Variants in MAVS observed in about 807,000 individuals in gnomAD.
The protein encoded by MAVS is mitochondrial antiviral signaling protein, also known as mitochondrial antiviral-signaling protein.
In MAVS, 20 loss-of-function variants were observed where a neutral mutation model predicts 30.2. The ratio of observed to expected loss-of-function variants is 0.66; its 90% CI spans 0.47 to 0.96. The LOEUF is 0.96. MAVS is among the 40% of genes least tolerant of loss of function. The probability of loss-of-function intolerance (pLI) is 0.00; values close to 1 mark genes in which losing one functional copy is unlikely to be tolerated. For missense variants in MAVS, 624 were observed against 701.1 expected (o/e 0.89, Z 1.24); for synonymous variants, 278 against 293.9 (o/e 0.95, Z 0.55).
chr20:3,855,597 C>T (rs1600446089), intron 2 of MAVS, among the ~76,000 whole-genome samples: 1 of 152,170 alleles, frequency 6.6e-6, no homozygotes, highest in African/African-American at 2.4e-5. Context: ...TACCTGTTGG[C>T]TCTTTTGGGG....
Position 3,855,895 on chromosome 20 carries a change from C to T in MAVS, c.117+1154C>T, listed in dbSNP as rs528504376. Reference sequence around the variant, plus strand: ...CTGGGTTCAAGTGATTCTCGCGCCTCAGCCTCCTGAGTAGCTGGGGTTACA... The same window carrying T: ...CTGGGTTCAAGTGATTCTCGCGCCTTAGCCTCCTGAGTAGCTGGGGTTACA... On this transcript the variant is annotated intron_variant, in intron 2 of 6. Coordinates refer to ENST00000428216, the MANE Select transcript of MAVS (RefSeq NM_020746.5). 5.7e-4 allele frequency among the ~76,000 whole-genome samples: 87 copies of T among 152,224 alleles called. 1 individual carries two copies. Among genetic ancestry groups the T allele is most frequent in the Non-Finnish European group, 1.1e-3 (76 of 68,030 alleles).
rs916225730 is a variant in MAVS, at chr20:3,868,253, A to G, written c.*2106A>G. ...TACCCTAAACCCCAGTTAGGTACCC[A>G]TGCTGGGCAGGTCAGTTAACAATTT... is the stretch of plus-strand genomic sequence containing the variant. On this transcript the variant is annotated 3_prime_UTR_variant, in exon 7 of 7. Coordinates refer to ENST00000428216, the MANE Select transcript of MAVS (RefSeq NM_020746.5). 3 of 152,294 alleles carry G rather than the reference A, an allele frequency of 2.0e-5. No individual in the cohort carries two copies. Among genetic ancestry groups the G allele is most frequent in the African/African-American group, 7.2e-5 (3 of 41,424 alleles). The allele number at this position is 152,294 out of a possible 1,614,324, so 9.4% of individuals were successfully genotyped here. A position where few individuals can be genotyped will look rare whatever the true frequency, so the allele number is the denominator to read the frequency against.
Position 3,871,206 on chromosome 20 carries a change from G to A in MAVS, c.*5059G>A, listed in dbSNP as rs761449809. 2 of 153,908 alleles carry A rather than the reference G, an allele frequency of 1.3e-5. No homozygotes were observed. Among genetic ancestry groups the A allele is most frequent in the Non-Finnish European group, 2.9e-5 (2 of 68,078 alleles). The allele number at this position is 153,908 out of a possible 1,614,324, so 9.5% of individuals were successfully genotyped here. On this transcript the variant is annotated 3_prime_UTR_variant, in exon 7 of 7. Coordinates refer to ENST00000428216, the MANE Select transcript of MAVS (RefSeq NM_020746.5). Reference sequence around the variant, plus strand: ...ACTGTACAGGTTATTTATAGAAGTTGGAGAGTGAAGGGTTGAGAAAGCCAA... The same window carrying A: ...ACTGTACAGGTTATTTATAGAAGTTAGAGAGTGAAGGGTTGAGAAAGCCAA...
At position 3,861,368 on chromosome 20, in the gene MAVS, C is replaced by T. The variant is rs554505664; in HGVS notation, c.329C>T (p.Pro110Leu). The change falls in exon 4 of 7, where the codon CCG becomes CTG. Residue 110 changes from proline to leucine, a missense_variant. Pro to Leu is a moderately conservative substitution (Grantham distance 98). Transcript: ENST00000428216. ...SDRPPDPLEP[P>L]SLPAERPGPP... ...CGTCCCCCAGACCCACTGGAGCCAC[C>T]GTCACTTCCTGCTGAGAGGCCAGGG... The T allele has an allele frequency of 1.5e-4, 249 of 1,613,930 alleles. 1 individual carries two copies. The South Asian group carries it at 2.5e-3, about 16-fold the overall frequency.
intron 1 of MAVS, among the ~76,000 whole-genome samples, chr20:3,850,875 A>G (rs6107354): frequency 0.068 from 9,852 of 144,686 alleles, 526 homozygotes; most frequent in African/African-American, 0.14. Flanking sequence ...GACAGAGCGA[A>G]ACTCCGTCTC....
intron 4 of MAVS, 42 bp downstream of exon 4, chr20:3,861,546 C>A (rs1382376471): frequency 6.3e-7 from 1 of 1,590,666 alleles, no homozygotes. Flanking sequence ...CTTTTGTGTT[C>A]CTATCTGCCC....
At chr20:3,848,351 G>C (rs575497241) in intron 1 of MAVS, among the ~76,000 whole-genome samples, 1 of 152,032 alleles carries the variant, frequency 6.6e-6, no homozygotes, top group Non-Finnish European at 1.5e-5. Context: ...TGCCTGCCTC[G>C]GCCTCCCAAA....
chr20:3,862,558 G>T, intron 5 of MAVS, 145 bp downstream of exon 5: 1 of 837,194 alleles, frequency 1.2e-6, no homozygotes, highest in Non-Finnish European at 1.8e-6. Flanking sequence ...GTTCCTTAGT[G>T]GGTGTATCAG....
intron 3 of MAVS, among the ~76,000 whole-genome samples, chr20:3,858,568 G>A (rs1285739188): frequency 4.0e-5 from 6 of 151,322 alleles, no homozygotes; most frequent in African/African-American, 1.5e-4. Context: ...AGGAGGCCGA[G>A]GCAGGAGAAT....
intron 1 of MAVS, among the ~76,000 whole-genome samples, chr20:3,849,574 G>C (rs1360102602): frequency 6.6e-6 from 1 of 152,092 alleles, no homozygotes; most frequent in East Asian, 1.9e-4. Flanking sequence ...GCTCATTCTT[G>C]TTTTAGGACT....
At position 3,870,634 on chromosome 20, in the gene MAVS, T is replaced by TACAAAAA. The variant is rs2089947019; in HGVS notation, c.*4488_*4489insCAAAAAA. 1 of 29,484 alleles carries TACAAAAA rather than the reference T, an allele frequency of 3.4e-5. No individual in the cohort carries two copies. Among genetic ancestry groups the TACAAAAA allele is most frequent in the Non-Finnish European group, 6.9e-5 (1 of 14,492 alleles). 1.8% of individuals were successfully genotyped at this position (29,484 alleles called of 1,614,324 possible). A position where few individuals can be genotyped will look rare whatever the true frequency, so the allele number is the denominator to read the frequency against. Reference sequence around the variant, plus strand: ...GGGCAACAAAGCAAGACCCTATCTCTAAAAAAAAAAAAAAAAAAAAAAAAA... The same window carrying TACAAAAA: ...GGGCAACAAAGCAAGACCCTATCTCTACAAAAAAAAAAAAAAAAAAAAAAAAAAAAAA... On this transcript the variant is annotated 3_prime_UTR_variant, in exon 7 of 7. Transcript: ENST00000428216.
chr20:3,854,860 C>G, intron 2 of MAVS, 119 bp downstream of exon 2: 1 of 599,950 alleles, frequency 1.7e-6, no homozygotes, highest in Non-Finnish European at 2.9e-6. Flanking sequence ...CTTCCTCTTG[C>G]TGTGTCTTGC....
At chr20:3,855,416 C>T (rs1002027003) in intron 2 of MAVS, among the ~76,000 whole-genome samples, 1 of 152,144 alleles carries the variant, frequency 6.6e-6, no homozygotes, top group Admixed American at 6.6e-5. Flanking sequence ...GTCATGGGGC[C>T]CTGTCCTGGC....
At position 3,864,540 on chromosome 20, in the gene MAVS, C is replaced by A. The variant is rs1051933394; in HGVS notation, c.910C>A (p.Pro304Thr). The change falls in exon 6 of 7, where the codon CCT becomes ACT. Residue 304 changes from proline (P) to threonine (T), a missense_variant. Pro to Thr is a conservative substitution (Grantham distance 38). Transcript: ENST00000428216. Reference sequence around the variant, plus strand: ...CTCCAAAGTGCCTACCACCTTGATGCCTGTGAACACAGTGGCCCTGAAAGT... The same window carrying A: ...CTCCAAAGTGCCTACCACCTTGATGACTGTGAACACAGTGGCCCTGAAAGT... ...LPSKVPTTLM[P>T]VNTVALKVPA... The A allele has an allele frequency of 6.2e-7, 1 of 1,614,120 alleles. No homozygotes were observed. The highest frequency in any genetic ancestry group is 8.5e-7 in the Non-Finnish European group (1 of 1,180,036).
At chr20:3,862,658 A>T (rs1389055752) in intron 5 of MAVS, among the ~76,000 whole-genome samples, 1 of 152,092 alleles carries the variant, frequency 6.6e-6, no homozygotes, top group Non-Finnish European at 1.5e-5. Context: ...TTAGCATATG[A>T]TCCTGTGGGT....
chr20:3,851,808 A>T (rs1226029572), intron 1 of MAVS, among the ~76,000 whole-genome samples: 1 of 151,728 alleles, frequency 6.6e-6, no homozygotes, highest in Non-Finnish European at 1.5e-5. Context: ...ATACAAAATT[A>T]ACCAGGTGTG....
In MAVS at chr20:3,865,094, C is replaced by T. The variant is rs1463184964; in HGVS notation, c.1158+306C>T. ...GCTCGTAGTTCCTAGTGAAGCCGAG[C>T]GGTGCCGTTTTGCACATAAGGAAGC... is the stretch of plus-strand genomic sequence containing the variant. On this transcript the variant is annotated intron_variant, in intron 6 of 6. Transcript: ENST00000428216. The surrounding 1 kb of genome is among the most constrained non-coding windows in gnomAD (Gnocchi z 4.7). 5.3e-5 allele frequency among the ~76,000 whole-genome samples: 8 copies of T among 152,334 alleles called. No homozygotes were observed. In the East Asian group the frequency reaches 5.8e-4, roughly 11 times the overall value.
chr20:3,857,893 C>T, intron 3 of MAVS, 84 bp downstream of exon 3: 1 of 1,428,832 alleles, frequency 7.0e-7, no homozygotes, highest in Non-Finnish European at 9.8e-7. Flanking sequence ...GTACTTCCTG[C>T]CTTTCTCTGT....
rs920340788 is a variant in MAVS at position 3,870,116 on chromosome 20, T to A, written c.*3969T>A. On this transcript the variant is annotated 3_prime_UTR_variant, in exon 7 of 7. Coordinates refer to ENST00000428216, the MANE Select transcript of MAVS (RefSeq NM_020746.5). ...CACTTGGTGGGGAAAGCCAGGCAGG[T>A]CACCCTCACAGCCAGATAATGTGGA... is the stretch of plus-strand genomic sequence containing the variant. The A allele has an allele frequency of 1.3e-5, 2 of 152,294 alleles. No homozygotes were observed. The highest frequency in any genetic ancestry group is 2.9e-5 in the Non-Finnish European group (2 of 68,068). The allele number at this position is 152,294 out of a possible 1,614,324, so 9.4% of individuals were successfully genotyped here.
Sources: gnomAD v4.1 joint callset for allele counts (sites outside exome capture counted in the v4.1 genomes callset) on GRCh38, gnomAD v4.1.1 for gene constraint, Gnocchi (gnomAD v3.1) non-coding constraint, MANE v1.5 for transcripts, NCBI Gene and HGNC (gene_info 2026-07-23, HGNC 2026-07-21) for gene names.